The following AMMECR1 variants were observed in gnomAD, a reference collection of about 807,000 sequenced individuals.
AMMECR1 encodes the protein AMMECR nuclear protein 1.
A neutral mutation model predicts 22.5 loss-of-function variants in AMMECR1; 3 were observed. The ratio of observed to expected loss-of-function variants is 0.13; its 90% confidence interval spans 0.06 to 0.35. The LOEUF (loss-of-function observed/expected upper bound fraction) is 0.35. AMMECR1 is among the 10% of genes least tolerant of loss of function. The pLI is 1.00. For missense variants in AMMECR1, 235 were observed against 278.7 expected, an observed-to-expected ratio of 0.84 and a Z score of 1.12; for synonymous variants, 130 against 116.7, an observed-to-expected ratio of 1.11 and a Z score of -0.74.
At chrX:110,423,008 T>C (rs760867718) in intron 2 of AMMECR1, among the ~76,000 whole-genome samples, 1 of 111,874 alleles carries the variant, frequency 8.9e-6, no homozygotes, top group East Asian at 2.8e-4. Flanking sequence ...CACCCCGTCA[T>C]GTCCTGTACC....
At chrX:110,387,069 G>A (rs1417484882) in intron 2 of AMMECR1, among the ~76,000 whole-genome samples, 1 of 112,256 alleles carries the variant, frequency 8.9e-6, no homozygotes, top group African/African-American at 3.2e-5. Flanking sequence ...GCTTTAAGGA[G>A]AAGGGATCTA....
At chrX:110,363,455 C>T (rs957392860) in intron 2 of AMMECR1, among the ~76,000 whole-genome samples, 1 of 111,690 alleles carries the variant, frequency 9.0e-6, no homozygotes, top group Non-Finnish European at 1.9e-5. Context: ...AGGGACCTCC[C>T]TATGTGTCAT....
chrX:110,348,806 A>G (rs1165475519), intron 2 of AMMECR1, among the ~76,000 whole-genome samples: 1 of 112,440 alleles, frequency 8.9e-6, no homozygotes, highest in East Asian at 2.8e-4. Flanking sequence ...GTCTGGATGG[A>G]TATAAGTCAA....
upstream of AMMECR1, among the ~76,000 whole-genome samples, chrX:110,319,522 C>T: frequency 8.9e-6 from 1 of 112,107 alleles, no homozygotes; most frequent in Admixed American, 9.4e-5. Flanking sequence ...AAGTATGCCT[C>T]CCGCTCTAAA....
chrX:110,378,486 A>G (rs189740047), intron 2 of AMMECR1, among the ~76,000 whole-genome samples: 17 of 111,986 alleles, frequency 1.5e-4, no homozygotes, highest in Non-Finnish European at 2.3e-4. Flanking sequence ...CCTTTTGCCT[A>G]ATGAGTAACG....
chrX:110,370,179 C>G (rs2068327838), intron 2 of AMMECR1, among the ~76,000 whole-genome samples: 2 of 111,265 alleles, frequency 1.8e-5, no homozygotes, highest in African/African-American at 6.5e-5. Context: ...TCTATTCTGT[C>G]TCTCTCTTTT....
At chrX:110,220,239 T>C (rs755848315) in intron 2 of AMMECR1, among the ~76,000 whole-genome samples, 241 of 111,977 alleles carry the variant, frequency 2.2e-3, no homozygotes, top group Non-Finnish European at 3.7e-3. Context: ...TATACTTTAG[T>C]TGTCACCTTT....
At chrX:110,207,426 T>TGG (rs2067427034) in intron 3 of AMMECR1, among the ~76,000 whole-genome samples, 1 of 111,622 alleles carries the variant, frequency 9.0e-6, no homozygotes, top group Non-Finnish European at 1.9e-5. Flanking sequence ...AACTTAGGCC[T>TGG]ACTCCAAGTT....
intron 2 of AMMECR1, among the ~76,000 whole-genome samples, chrX:110,394,122 G>A (rs1339383775): frequency 8.9e-6 from 1 of 112,551 alleles, no homozygotes; most frequent in East Asian, 2.8e-4. Flanking sequence ...CAAAAATTAG[G>A]CAAATAATTC....
At chrX:110,360,130 C>T (rs1220428764) in intron 2 of AMMECR1, among the ~76,000 whole-genome samples, 1 of 111,386 alleles carries the variant, frequency 9.0e-6, no homozygotes, top group Admixed American at 9.6e-5. Context: ...GAAGAAATCT[C>T]ATAGCCTCAG....
intron 2 of AMMECR1, among the ~76,000 whole-genome samples, chrX:110,234,624 A>G (rs1450759004): frequency 8.9e-6 from 1 of 112,121 alleles, no homozygotes; most frequent in African/African-American, 3.3e-5. Context: ...ACTGGTACCA[A>G]AACAGAGATA....
intron 1 of AMMECR1, among the ~76,000 whole-genome samples, chrX:110,279,981 ATGTATG>A (rs965599934): frequency 2.7e-5 from 3 of 112,220 alleles, no homozygotes; most frequent in Non-Finnish European, 3.8e-5. Context: ...TCATGAAAAT[ATGTATG>A]TGTATATGTG....
intron 2 of AMMECR1, among the ~76,000 whole-genome samples, chrX:110,412,873 T>C (rs2068650312): frequency 8.9e-6 from 1 of 112,316 alleles, no homozygotes; most frequent in South Asian, 3.7e-4. Flanking sequence ...CTGTCAACAC[T>C]GGGGAGTAGA....
At chrX:110,228,291 A>G (rs1198019497) in intron 2 of AMMECR1, among the ~76,000 whole-genome samples, 1 of 111,530 alleles carries the variant, frequency 9.0e-6, no homozygotes, top group Non-Finnish European at 1.9e-5. Flanking sequence ...TATATTAGAA[A>G]TCATAATAGG....
At chrX:110,247,387 C>T (rs953861928) in intron 2 of AMMECR1, among the ~76,000 whole-genome samples, 3 of 111,784 alleles carry the variant, frequency 2.7e-5, no homozygotes, top group African/African-American at 6.5e-5. Flanking sequence ...GAAACCCCGT[C>T]TCTACAAAAA....
At chrX:110,370,315 T>C (rs1178215545) in intron 2 of AMMECR1, among the ~76,000 whole-genome samples, 1 of 111,671 alleles carries the variant, frequency 9.0e-6, no homozygotes, top group Non-Finnish European at 1.9e-5. Flanking sequence ...TTCAAGCAAT[T>C]GTCCTGCCTC....
chrX:110,423,160 C>T (rs955719314), intron 2 of AMMECR1, among the ~76,000 whole-genome samples: 1 of 110,580 alleles, frequency 9.0e-6, no homozygotes. Context: ...AAACCCTGTC[C>T]CTACTAAAAA....
intron 1 of AMMECR1, among the ~76,000 whole-genome samples, chrX:110,300,972 A>C (rs1232766431): frequency 8.9e-6 from 1 of 112,006 alleles, no homozygotes; most frequent in African/African-American, 3.2e-5. Flanking sequence ...AAGCACATCT[A>C]GGCTTCCTCA....
intron 2 of AMMECR1, chrX:110,219,641 C>G: frequency 2.7e-6 from 2 of 734,336 alleles, no homozygotes; most frequent in Non-Finnish European, 3.2e-6. Flanking sequence ...ATGTTTAGAA[C>G]AAGGAGTTAG....
Sources: gnomAD v4.1 joint callset for allele counts (sites outside exome capture counted in the v4.1 genomes callset) on GRCh38, gnomAD v4.1.1 for gene constraint, MANE v1.5 for transcripts, NCBI Gene and HGNC (gene_info 2026-07-23, HGNC 2026-07-21) for gene names.